The following MGAT5 variants were observed in gnomAD, a reference collection of about 807,000 sequenced individuals.
MGAT5 encodes the protein alpha-1,6-mannosylglycoprotein 6-beta-N-acetylglucosaminyltransferase, also known as alpha-1,6-mannosylglycoprotein 6-beta-N-acetylglucosaminyltransferase A.
In MGAT5, 30 loss-of-function variants were observed where a neutral mutation model predicts 94.3. The ratio of observed to expected loss-of-function variants is 0.32; its 90% confidence interval spans 0.24 to 0.43. MGAT5 has a LOEUF of 0.43. Among genes scored for constraint, MGAT5 ranks in the 20% least tolerant of loss-of-function variants. MGAT5 has a pLI of 1.00. For missense variants in MGAT5, 691 were observed against 905.5 expected, an observed-to-expected ratio of 0.76 and a Z score of 3.04; for synonymous variants, 310 against 322.9, an observed-to-expected ratio of 0.96 and a Z score of 0.43.
At chr2:134,388,423 G>A (rs1160601750) in intron 10 of MGAT5, among the ~76,000 whole-genome samples, 5 of 150,142 alleles carry the variant, frequency 3.3e-5, no homozygotes, top group Non-Finnish European at 7.4e-5. Flanking sequence ...GTATCTCTAA[G>A]ATATGAAGAT....
At chr2:134,203,418 C>A (rs1679888253) in intron 1 of MGAT5, among the ~76,000 whole-genome samples, 1 of 152,154 alleles carries the variant, frequency 6.6e-6, no homozygotes, top group South Asian at 2.1e-4. Context: ...AAGGATCAGT[C>A]ACAGGATGAC....
chr2:134,266,381 C>T (rs536039418), intron 1 of MGAT5, among the ~76,000 whole-genome samples: 1 of 152,068 alleles, frequency 6.6e-6, no homozygotes, highest in African/African-American at 2.4e-5. Flanking sequence ...CCACCATGCC[C>T]AGCTATTTTT....
At chr2:134,382,748 G>C (rs562283729) in intron 10 of MGAT5, among the ~76,000 whole-genome samples, 23 of 152,206 alleles carry the variant, frequency 1.5e-4, no homozygotes, top group Non-Finnish European at 2.5e-4. Context: ...TCCTTTGTCA[G>C]ACCTGCTGAG....
chr2:134,324,995 C>G (rs550631793), intron 4 of MGAT5, among the ~76,000 whole-genome samples: 4 of 104,710 alleles, frequency 3.8e-5, no homozygotes, highest in South Asian at 8.2e-4. Context: ...CTAAGACATC[C>G]TTAGTAAAAG....
At chr2:134,384,885 G>T (rs1483944611) in intron 10 of MGAT5, among the ~76,000 whole-genome samples, 1 of 152,082 alleles carries the variant, frequency 6.6e-6, no homozygotes, top group African/African-American at 2.4e-5. Flanking sequence ...CTTTAAAAAG[G>T]TCAAATTAGC....
chr2:134,248,441 G>C (rs1350110115), intron 1 of MGAT5, among the ~76,000 whole-genome samples: 1 of 152,194 alleles, frequency 6.6e-6, no homozygotes, highest in Admixed American at 6.5e-5. Context: ...CCTCAGTCTA[G>C]GGAGCCCCTG....
chr2:134,203,007 G>A (rs1205713196), intron 1 of MGAT5, among the ~76,000 whole-genome samples: 1 of 152,164 alleles, frequency 6.6e-6, no homozygotes, highest in Non-Finnish European at 1.5e-5. Context: ...ACCTATAAAT[G>A]CAACATCTCC....
intron 2 of MGAT5, among the ~76,000 whole-genome samples, chr2:134,278,049 C>T (rs1684484053): frequency 6.6e-6 from 1 of 152,196 alleles, no homozygotes; most frequent in South Asian, 2.1e-4. Flanking sequence ...TTGAGAGGTT[C>T]AGACATGGGA....
chr2:134,440,370 A>G (rs914920393), intron 14 of MGAT5, among the ~76,000 whole-genome samples: 4 of 152,226 alleles, frequency 2.6e-5, no homozygotes, highest in African/African-American at 9.6e-5. Flanking sequence ...GTGTGGAGTC[A>G]GCCCATTCTC....
chr2:134,341,466 C>T, intron 6 of MGAT5, 124 bp from the exon 7 acceptor site: 1 of 766,636 alleles, frequency 1.3e-6, no homozygotes, highest in Non-Finnish European at 2.0e-6. Context: ...AACAGCATTC[C>T]CCACCCTTTG....
intron 9 of MGAT5, 145 bp from the exon 10 acceptor site, chr2:134,362,130 C>T (rs1680134193): frequency 2.2e-6 from 2 of 906,612 alleles, no homozygotes; most frequent in African/African-American, 3.3e-5. Flanking sequence ...GATGACAATC[C>T]CTCACCTCCC....
intron 2 of MGAT5, among the ~76,000 whole-genome samples, chr2:134,300,560 G>C (rs1685952476): frequency 6.6e-6 from 1 of 152,132 alleles, no homozygotes; most frequent in Admixed American, 6.5e-5. Context: ...CAGTGACAGA[G>C]AAGAACACTT....
chr2:134,359,483 C>A (rs897965606), intron 9 of MGAT5, among the ~76,000 whole-genome samples: 1 of 152,198 alleles, frequency 6.6e-6, no homozygotes, highest in African/African-American at 2.4e-5. Context: ...CTATAATGCG[C>A]TTAGCACAGA....
chr2:134,175,973 A>C (rs1329982986), intron 1 of MGAT5, among the ~76,000 whole-genome samples: 2 of 152,160 alleles, frequency 1.3e-5, no homozygotes, highest in Non-Finnish European at 2.9e-5. Context: ...GGATTATTTT[A>C]TGATAGCTTA....
chr2:134,217,422 C>T (rs1327812410), intron 1 of MGAT5, among the ~76,000 whole-genome samples: 1 of 152,080 alleles, frequency 6.6e-6, no homozygotes, highest in Non-Finnish European at 1.5e-5. Flanking sequence ...GTATGTGAAA[C>T]TGAGGCTCAC....
intron 12 of MGAT5, among the ~76,000 whole-genome samples, chr2:134,420,096 T>C (rs1684213398): frequency 6.6e-6 from 1 of 152,182 alleles, no homozygotes; most frequent in African/African-American, 2.4e-5. Context: ...ACCTTCCTTT[T>C]TATCCAAAGC....
intron 10 of MGAT5, among the ~76,000 whole-genome samples, chr2:134,373,479 T>A (rs1680948688): frequency 6.6e-6 from 1 of 152,180 alleles, no homozygotes. Flanking sequence ...TGGGCACAGA[T>A]TTATAAGAAT....
chr2:134,136,229 G>A (rs879391486), intron 1 of MGAT5, among the ~76,000 whole-genome samples: 1 of 152,112 alleles, frequency 6.6e-6, no homozygotes, highest in East Asian at 1.9e-4. Context: ...ATTATTTAAT[G>A]TGTTAAGATA....
chr2:134,239,704 G>T (rs958908238), intron 1 of MGAT5, among the ~76,000 whole-genome samples: 1 of 151,830 alleles, frequency 6.6e-6, no homozygotes, highest in African/African-American at 2.4e-5. Flanking sequence ...TGGGGATGAG[G>T]ATGTGGATGG....
Sources: allele counts gnomAD v4.1 joint callset (sites outside exome capture counted in the v4.1 genomes callset), GRCh38; gene constraint gnomAD v4.1.1; transcripts MANE v1.5; gene names NCBI Gene and HGNC (gene_info 2026-07-23, HGNC 2026-07-21).